Variants in ANK2 observed in about 807,000 individuals in gnomAD.
The protein encoded by ANK2 is ankyrin 2.
In ANK2, 83 loss-of-function variants were observed where a neutral mutation model predicts 360.5. The observed-to-expected ratio is 0.23, with a 90% CI of 0.19 to 0.28. The LOEUF (loss-of-function observed/expected upper bound fraction) is 0.28. Among genes scored for constraint, ANK2 ranks in the 10% least tolerant of loss-of-function variants. ANK2 has a pLI of 1.00. For synonymous variants in ANK2, 1,740 were observed against 1,759.5 expected, an observed-to-expected ratio of 0.99 and a Z score of 0.28; for missense variants, 4,201 against 4,795.7, an observed-to-expected ratio of 0.88 and a Z score of 3.66.
intron 24 of ANK2, among the ~76,000 whole-genome samples, chr4:113,311,891 G>A (rs2080169960): frequency 6.6e-6 from 1 of 152,118 alleles, no homozygotes; most frequent in Admixed American, 6.5e-5. Flanking sequence ...ACTTTTTCAT[G>A]AAAAAGAATC....
chr4:113,115,411 C>T (rs551875362), intron 1 of ANK2, among the ~76,000 whole-genome samples: 2 of 152,144 alleles, frequency 1.3e-5, no homozygotes, highest in East Asian at 3.9e-4. Flanking sequence ...AAAACTGCTC[C>T]CTTCTCTCCC....
the ANK2 span, among the ~76,000 whole-genome samples, chr4:112,774,444 T>TGA: frequency 6.6e-6 from 1 of 152,090 alleles, no homozygotes; most frequent in East Asian, 1.9e-4. Context: ...GAGAATGGCG[T>TGA]GAACCCGCGT....
chr4:113,378,565 C>A (rs1331473921), intron 45 of ANK2, among the ~76,000 whole-genome samples: 1 of 152,208 alleles, frequency 6.6e-6, no homozygotes, highest in African/African-American at 2.4e-5. Context: ...CTATATTCAG[C>A]TCAATCTTAG....
chr4:112,894,546 T>C (rs1325370478), intron 1 of ANK2, among the ~76,000 whole-genome samples: 1 of 152,224 alleles, frequency 6.6e-6, no homozygotes, highest in East Asian at 1.9e-4. Context: ...TAGTAACACA[T>C]TATTATGAGG....
the ANK2 span, among the ~76,000 whole-genome samples, chr4:112,803,324 A>T: frequency 3.9e-5 from 6 of 152,178 alleles, no homozygotes; most frequent in African/African-American, 1.4e-4. Context: ...ATATTGGATT[A>T]TCCAGATGGG....
intron 24 of ANK2, among the ~76,000 whole-genome samples, chr4:113,315,169 T>C (rs1013192940): frequency 5.9e-5 from 9 of 152,230 alleles, no homozygotes; most frequent in Non-Finnish European, 8.8e-5. Context: ...AATTGAGAGA[T>C]AGACTCAGGT....
the ANK2 span, among the ~76,000 whole-genome samples, chr4:112,803,089 C>T: frequency 5.9e-5 from 9 of 152,082 alleles, no homozygotes; most frequent in African/African-American, 1.7e-4. Flanking sequence ...AAGACTGTCT[C>T]GACATCTGCC....
chr4:112,787,010 A>G, the ANK2 span, among the ~76,000 whole-genome samples: 1 of 152,142 alleles, frequency 6.6e-6, no homozygotes, highest in African/African-American at 2.4e-5. Flanking sequence ...TGGTCTCCCA[A>G]AGTGCTGGGA....
rs76909601 is a variant in ANK2, at chr4:113,094,282, G to A, written c.84+44470G>A. 2.9e-3 allele frequency among the ~76,000 whole-genome samples: 446 copies of A among 152,252 alleles called. 1 individual carries two copies. The highest frequency in any genetic ancestry group is 5.0e-3 in the Non-Finnish European group (338 of 68,012). On this transcript the variant is annotated intron_variant, in intron 1 of 45. Coordinates refer to ENST00000357077, the MANE Select transcript of ANK2 (RefSeq NM_001148.6). ...ATAAAGTGATCTCTTAAAAACTGAG[G>A]AGTGCTGTTATGCTTAAGCATCAGA...
At chr4:112,974,729 T>C (rs1171774826) in intron 2 of ANK2, among the ~76,000 whole-genome samples, 2 of 152,198 alleles carry the variant, frequency 1.3e-5, no homozygotes, top group Non-Finnish European at 2.9e-5. Context: ...CAAATTGGTC[T>C]AAATTTCCCT....
intron 20 of ANK2, among the ~76,000 whole-genome samples, chr4:113,291,614 A>G (rs1349254125): frequency 2.0e-5 from 3 of 152,204 alleles, no homozygotes; most frequent in African/African-American, 7.2e-5. Context: ...CATTGGATGA[A>G]AGGGGTATGT....
the ANK2 span, among the ~76,000 whole-genome samples, chr4:112,804,797 C>G: frequency 6.6e-6 from 1 of 151,814 alleles, no homozygotes; most frequent in Non-Finnish European, 1.5e-5. Context: ...TCTACAACAA[C>G]AACAAACAAA....
the ANK2 span, among the ~76,000 whole-genome samples, chr4:112,761,447 C>T: frequency 1.3e-5 from 2 of 151,938 alleles, no homozygotes; most frequent in Admixed American, 6.6e-5. Context: ...GGTGAAACCC[C>T]GTCTCTACTA....
chr4:113,118,633 T>G (rs886833090), intron 1 of ANK2, among the ~76,000 whole-genome samples: 1 of 152,206 alleles, frequency 6.6e-6, no homozygotes, highest in Non-Finnish European at 1.5e-5. Flanking sequence ...TGGGGAAAAC[T>G]TTCATACTGC....
intron 31 of ANK2, among the ~76,000 whole-genome samples, chr4:113,338,170 C>A (rs1324989918): frequency 6.6e-6 from 1 of 152,160 alleles, no homozygotes. Flanking sequence ...CTAGAATAAA[C>A]TTCCATAAAC....
At position 113,373,083 on chromosome 4, in the gene ANK2, T is replaced by C; in HGVS notation, c.11611-7T>C. The C allele has an allele frequency of 6.2e-7, 1 of 1,613,298 alleles. No individual in the cohort carries two copies. Among genetic ancestry groups the C allele is most frequent in the Non-Finnish European group, 8.5e-7 (1 of 1,179,250 alleles). On this transcript the variant is annotated splice_region_variant and splice_polypyrimidine_tract_variant and intron_variant, in intron 43 of 45. Coordinates refer to ENST00000357077, the MANE Select transcript of ANK2 (RefSeq NM_001148.6). ...ACCACAGTGACCCTTTTCTCTCAAC[T>C]GTTTAGGGAGACGATATGCCTGAAA...
chr4:113,113,209 G>A (rs1380219564), intron 1 of ANK2, among the ~76,000 whole-genome samples: 1 of 150,664 alleles, frequency 6.6e-6, no homozygotes, highest in Non-Finnish European at 1.5e-5. Context: ...CTGATTAGGT[G>A]ATGTTTTAAC....
At chr4:112,887,281 G>A (rs1212350689) in intron 1 of ANK2, among the ~76,000 whole-genome samples, 1 of 152,202 alleles carries the variant, frequency 6.6e-6, no homozygotes, top group Non-Finnish European at 1.5e-5. Flanking sequence ...TTACAATGAT[G>A]TGAAAGCTAG....
At chr4:112,848,168 G>A (rs543313587) in intron 1 of ANK2, among the ~76,000 whole-genome samples, 1 of 151,984 alleles carries the variant, frequency 6.6e-6, no homozygotes, top group Non-Finnish European at 1.5e-5. Context: ...CTCTGTCACC[G>A]AGGCTGGAGT....
Sources: allele counts gnomAD v4.1 joint callset (sites outside exome capture counted in the v4.1 genomes callset), GRCh38; gene constraint gnomAD v4.1.1; transcripts MANE v1.5; gene names NCBI Gene and HGNC (gene_info 2026-07-23, HGNC 2026-07-21).